The following TCEA1 variants were observed in gnomAD, a reference collection of about 807,000 sequenced individuals.
The protein encoded by TCEA1 is transcription elongation factor A1.
TCEA1 carries 21 observed loss-of-function variants against 43.8 expected under a neutral mutation model. The observed-to-expected ratio is 0.48, with a 90% CI of 0.34 to 0.69. The LOEUF is 0.69. Ranked by LOEUF, TCEA1 falls within the 30% of genes least tolerant of loss-of-function variation. The pLI is 0.01. For missense variants in TCEA1, 250 were observed against 365.1 expected (o/e 0.68, Z 2.57); for synonymous variants, 104 against 117.5 (o/e 0.88, Z 0.75).
chr8:53,978,170 G>GA (rs1400779264), intron 8 of TCEA1, among the ~76,000 whole-genome samples: 2 of 152,118 alleles, frequency 1.3e-5, no homozygotes, highest in Admixed American at 6.6e-5. Flanking sequence ...AGGCCAAGGT[G>GA]AGAGGATCAT....
intron 6 of TCEA1, among the ~76,000 whole-genome samples, chr8:53,985,873 C>T (rs1346125489): frequency 6.6e-6 from 1 of 152,170 alleles, no homozygotes; most frequent in Non-Finnish European, 1.5e-5. Context: ...CCCTTTTGCA[C>T]AACTTAAATT....
chr8:53,970,278 T>G (rs201218291), intron 9 of TCEA1, 114 bp downstream of exon 9: 1 of 781,296 alleles, frequency 1.3e-6, no homozygotes, highest in African/African-American at 1.7e-5. Context: ...AAGAGTACTG[T>G]ATAGTGTGAG....
intron 7 of TCEA1, among the ~76,000 whole-genome samples, 160 bp downstream of exon 7, chr8:53,984,203 G>C (rs1477434222): frequency 6.6e-6 from 1 of 152,208 alleles, no homozygotes; most frequent in Non-Finnish European, 1.5e-5. Context: ...ACTGACAAAA[G>C]ACACAATCAC....
chr8:53,999,666 A>G, intron 3 of TCEA1: 1 of 342,134 alleles, frequency 2.9e-6, no homozygotes, highest in Non-Finnish European at 5.2e-6. Flanking sequence ...CCATTTCAAA[A>G]GGTATCCACA....
intron 9 of TCEA1, 71 bp downstream of exon 9, chr8:53,970,321 C>T (rs1257627226): frequency 2.0e-6 from 2 of 1,021,364 alleles, no homozygotes; most frequent in Non-Finnish European, 3.1e-6. Context: ...TCTAGGCAGA[C>T]CTATGAAAAG....
Position 54,022,235 on chromosome 8 carries a change from C to T in TCEA1, c.-110G>A, listed in dbSNP as rs890238101. On this transcript the variant is annotated 5_prime_UTR_variant, in exon 1 of 10. Transcript: ENST00000521604. ...CCCGGCGCGCAGCAACCCCCACCAC[C>T]GCAGGCCCGGGCCTAGGCCCCCTTC... 2 of 1,290,920 alleles carry T rather than the reference C, an allele frequency of 1.5e-6. No individual in the cohort carries two copies. The highest frequency in any genetic ancestry group is 2.2e-6 in the Non-Finnish European group (2 of 911,538). The allele number at this position is 1,290,920 out of a possible 1,614,324, so 80.0% of individuals were successfully genotyped here. A position where few individuals can be genotyped will look rare whatever the true frequency, so the allele number is the denominator to read the frequency against.
At chr8:53,986,267 T>C (rs980108613) in intron 6 of TCEA1, among the ~76,000 whole-genome samples, 1 of 152,230 alleles carries the variant, frequency 6.6e-6, no homozygotes. Flanking sequence ...ACCTGCCTGG[T>C]CCTAGAGGAC....
At chr8:54,012,691 A>C (rs1035050553) in intron 1 of TCEA1, among the ~76,000 whole-genome samples, 8 of 152,200 alleles carry the variant, frequency 5.3e-5, no homozygotes, top group African/African-American at 1.9e-4. Flanking sequence ...AAAAATCTGG[A>C]ATTACCAAAT....
intron 6 of TCEA1, among the ~76,000 whole-genome samples, 163 bp downstream of exon 6, chr8:53,986,806 T>C (rs1013775499): frequency 2.0e-5 from 3 of 152,214 alleles, no homozygotes; most frequent in Admixed American, 2.0e-4. Context: ...TCTAGAACAA[T>C]GACCAATCCT....
Position 54,001,813 on chromosome 8 carries a change from T to C in TCEA1, c.127-1763A>G, listed in dbSNP as rs148689985. Among the ~76,000 whole-genome samples the C allele has an allele frequency of 5.6e-3, 856 of 152,126 alleles. 4 individuals carry two copies. The highest frequency in any genetic ancestry group is 0.01 in the Middle Eastern group (3 of 294). The stretch of plus-strand genomic sequence containing the variant: ...TACTGAGAATATAGTTATCTTGTAA[T>C]AAACATGCTTATCTATGGAAGAGAT... On this transcript the variant is annotated intron_variant, in intron 2 of 9. Transcript: ENST00000521604.
At chr8:53,984,256 A>G in intron 7 of TCEA1, 107 bp downstream of exon 7, 1 of 1,088,820 alleles carries the variant, frequency 9.2e-7, no homozygotes, top group Non-Finnish European at 1.3e-6. Flanking sequence ...GAATAACGGA[A>G]ATTTATTACA....
intron 1 of TCEA1, among the ~76,000 whole-genome samples, chr8:54,013,699 AAAAC>A (rs1563517439): frequency 4.0e-5 from 6 of 148,492 alleles, no homozygotes; most frequent in East Asian, 2.0e-4. Flanking sequence ...AAAAAAAAAA[AAAAC>A]AAAAAACAGA....
intron 4 of TCEA1, among the ~76,000 whole-genome samples, chr8:53,993,057 A>G (rs575289107): frequency 1.3e-5 from 2 of 150,876 alleles, no homozygotes; most frequent in South Asian, 2.1e-4. Flanking sequence ...GGTTCCAGCA[A>G]TTCTCCCACC....
At chr8:53,973,607 GA>G (rs1315798366) in intron 8 of TCEA1, 1 of 566,388 alleles carries the variant, frequency 1.8e-6, no homozygotes, top group African/African-American at 1.9e-5. Context: ...AGGAAAGTAA[GA>G]AACACTTCAA....
At chr8:53,971,783 TA>T in intron 8 of TCEA1, 4 of 238,112 alleles carry the variant, frequency 1.7e-5, no homozygotes, top group South Asian at 1.1e-4. Flanking sequence ...AACTCCAGAC[TA>T]AAAAAGAAAT....
At chr8:54,013,782 C>A (rs1804734748) in intron 1 of TCEA1, among the ~76,000 whole-genome samples, 1 of 151,464 alleles carries the variant, frequency 6.6e-6, no homozygotes, top group African/African-American at 2.4e-5. Context: ...TACATTAATT[C>A]GGTGACAACA....
chr8:53,999,901 A>T, intron 3 of TCEA1, 44 bp downstream of exon 3: 1 of 1,282,060 alleles, frequency 7.8e-7, no homozygotes, highest in Non-Finnish European at 1.1e-6. Context: ...CTATTTGAAT[A>T]AATCACAACA....
intron 8 of TCEA1, 31 bp downstream of exon 8, chr8:53,978,994 T>A (rs535625630): frequency 1.3e-6 from 2 of 1,573,220 alleles, no homozygotes; most frequent in African/African-American, 2.7e-5. Context: ...CATTTTTATA[T>A]AAAAATAAGA....
chr8:53,985,694 C>T lies in TCEA1; in HGVS notation c.524-1177G>A, dbSNP rs139654877. 5.9e-3 allele frequency among the ~76,000 whole-genome samples: 901 copies of T among 152,268 alleles called. 4 individuals are homozygous for T. Among genetic ancestry groups the T allele is most frequent in the African/African-American group, 0.018 (729 of 41,548 alleles). On this transcript the variant is annotated intron_variant, in intron 6 of 9. Coordinates refer to ENST00000521604, the MANE Select transcript of TCEA1 (RefSeq NM_006756.4). The stretch of plus-strand genomic sequence containing the variant: ...AGGACAATCTCATGTTACACAGCCA[C>T]CTAGATGCTCCCTGCCCCTACTCAC...
Sources: gnomAD v4.1 joint callset for allele counts (sites outside exome capture counted in the v4.1 genomes callset) on GRCh38, gnomAD v4.1.1 for gene constraint, MANE v1.5 for transcripts, NCBI Gene and HGNC (gene_info 2026-07-23, HGNC 2026-07-21) for gene names.